Variants in DIP2C observed in about 807,000 individuals in gnomAD.
DIP2C encodes DIP2 acetate--CoA ligase C (putative), also known as disco-interacting protein 2 homolog C.
A neutral mutation model predicts 192.4 loss-of-function variants in DIP2C; 33 were observed. That is an observed-to-expected ratio of 0.17 (90% CI 0.13 to 0.23). The LOEUF is 0.23. Among genes scored for constraint, DIP2C ranks in the 10% least tolerant of loss-of-function variants. The pLI is 1.00. For synonymous variants in DIP2C, 979 were observed against 864.1 expected, an observed-to-expected ratio of 1.13 and a Z score of -2.33; for missense variants, 1,537 against 2,110.1, an observed-to-expected ratio of 0.73 and a Z score of 5.32.
intron 1 of DIP2C, among the ~76,000 whole-genome samples, chr10:519,037 T>TC (rs1487401688): frequency 6.6e-6 from 1 of 152,176 alleles, no homozygotes; most frequent in African/African-American, 2.4e-5. Flanking sequence ...CACACCCATT[T>TC]CCCCTTCTGC....
At position 689,631 on chromosome 10, in the gene DIP2C, T is replaced by A. The variant is rs1831472610; in HGVS notation, c.-53A>T. On this transcript the variant is annotated 5_prime_UTR_variant, in exon 1 of 37. Coordinates refer to ENST00000280886, the MANE Select transcript of DIP2C (RefSeq NM_014974.3). The surrounding 1 kb of genome is among the most constrained non-coding windows in gnomAD (Gnocchi z 6.1). ...CCTCCTCTTTGTTCGCAGGCGGAGG[T>A]CTCGGCGGCTCCTCGCGCCCGGCGG... 4 of 1,054,570 alleles carry A rather than the reference T, an allele frequency of 3.8e-6. No individual in the cohort carries two copies. The highest frequency in any genetic ancestry group is 4.6e-6 in the Non-Finnish European group (4 of 871,534). 65.3% of individuals were successfully genotyped at this position (1,054,570 alleles called of 1,614,324 possible). A position where few individuals can be genotyped will look rare whatever the true frequency, so the allele number is the denominator to read the frequency against.
chr10:545,804 G>GTC (rs1848257023), intron 1 of DIP2C, among the ~76,000 whole-genome samples: 1 of 152,140 alleles, frequency 6.6e-6, no homozygotes, highest in Non-Finnish European at 1.5e-5. Context: ...ATATCCAGTT[G>GTC]TCCCAGCACC....
chr10:484,695 C>G, intron 2 of DIP2C: 3 of 1,498,682 alleles, frequency 2.0e-6, no homozygotes, highest in South Asian at 2.6e-5. Flanking sequence ...ACACCCTACA[C>G]GTCTGTACGG....
intron 1 of DIP2C, among the ~76,000 whole-genome samples, chr10:645,179 A>G (rs1008614998): frequency 2.6e-5 from 4 of 152,336 alleles, no homozygotes; most frequent in Non-Finnish European, 4.4e-5. Context: ...AGATGAGGAC[A>G]TGGCATCCGT....
At chr10:295,099 GTCT>G (rs1425757020) in intron 32 of DIP2C, among the ~76,000 whole-genome samples, 1 of 151,984 alleles carries the variant, frequency 6.6e-6, no homozygotes, top group Non-Finnish European at 1.5e-5. Context: ...AGAAGTGGAA[GTCT>G]TTTTTTTTTC....
intron 1 of DIP2C, among the ~76,000 whole-genome samples, chr10:618,902 TAAC>T (rs1246319656): frequency 6.6e-6 from 1 of 152,196 alleles, no homozygotes; most frequent in African/African-American, 2.4e-5. Flanking sequence ...TTCCAGAACT[TAAC>T]AAAACCTGAA....
chr10:282,849 G>A (rs1480141196), intron 35 of DIP2C, among the ~76,000 whole-genome samples: 2 of 152,236 alleles, frequency 1.3e-5, no homozygotes, highest in Non-Finnish European at 2.9e-5. Flanking sequence ...GGCAGACCCA[G>A]TCCTAGAAGC....
At chr10:542,896 G>A (rs909099243) in intron 1 of DIP2C, among the ~76,000 whole-genome samples, 1 of 151,960 alleles carries the variant, frequency 6.6e-6, no homozygotes, top group Non-Finnish European at 1.5e-5. Context: ...GGAGTGGGGG[G>A]TTCTGACCCT....
intron 1 of DIP2C, among the ~76,000 whole-genome samples, chr10:569,604 TA>T (rs542846799): frequency 1.4e-4 from 21 of 151,264 alleles, no homozygotes; most frequent in South Asian, 6.3e-4. Flanking sequence ...TATTCTTTTT[TA>T]AAAAAAAGCA....
At chr10:387,315 G>A (rs1016536365) in intron 14 of DIP2C, among the ~76,000 whole-genome samples, 11 of 152,330 alleles carry the variant, frequency 7.2e-5, no homozygotes, top group East Asian at 1.9e-4. Context: ...TGTGAACCAC[G>A]TTAGTGGACA....
At chr10:284,244 C>T (rs768848697) in intron 34 of DIP2C, among the ~76,000 whole-genome samples, 6 of 152,162 alleles carry the variant, frequency 3.9e-5, no homozygotes, top group Non-Finnish European at 8.8e-5. Flanking sequence ...TTTAGTACTG[C>T]ACCCACGTCC....
chr10:613,937 C>T (rs1853270041), intron 1 of DIP2C, among the ~76,000 whole-genome samples: 1 of 152,160 alleles, frequency 6.6e-6, no homozygotes, highest in East Asian at 1.9e-4. Flanking sequence ...CTCCCATCTG[C>T]CCTGCCTTCC....
At chr10:539,554 G>A (rs1482561336) in intron 1 of DIP2C, among the ~76,000 whole-genome samples, 1 of 152,182 alleles carries the variant, frequency 6.6e-6, no homozygotes, top group Non-Finnish European at 1.5e-5. Context: ...CATGGGCACT[G>A]TGGAATGGCT....
chr10:274,778 T>G lies in DIP2C; in HGVS notation c.*2547A>C, dbSNP rs1589361253. The G allele has an allele frequency of 6.6e-6, 1 of 152,264 alleles. No homozygotes were observed. The highest frequency in any genetic ancestry group is 2.4e-5 in the African/African-American group (1 of 41,474). The allele number at this position is 152,264 out of a possible 1,614,324, so 9.4% of individuals were successfully genotyped here. A position where few individuals can be genotyped will look rare whatever the true frequency, so the allele number is the denominator to read the frequency against. ...CTGTTTGATTAGGTCTGTGTTTATATGTTCACTGTGTACCCTCTTTTTGTG... is the reference window on the plus strand; with the variant it reads ...CTGTTTGATTAGGTCTGTGTTTATAGGTTCACTGTGTACCCTCTTTTTGTG... On this transcript the variant is annotated 3_prime_UTR_variant, in exon 37 of 37. Coordinates refer to ENST00000280886, the MANE Select transcript of DIP2C (RefSeq NM_014974.3).
Position 363,192 on chromosome 10 carries a change from G to T in DIP2C, c.2592+5C>A, listed in dbSNP as rs1434438118. The T allele has an allele frequency of 3.1e-6, 5 of 1,612,504 alleles. No homozygotes were observed. In the South Asian group the frequency reaches 3.3e-5, roughly 11 times the overall value. On this transcript the variant is annotated splice_donor_5th_base_variant and intron_variant, in intron 21 of 36. Coordinates refer to ENST00000280886, the MANE Select transcript of DIP2C (RefSeq NM_014974.3). The surrounding 1 kb of genome is among the most constrained non-coding windows in gnomAD (Gnocchi z 5.4). Reference sequence around the variant, plus strand: ...GGACCAGTGCCCAGGGCGAGGGAGGGCAACCTGCAGCACACGGCTCATCCA... The same window carrying T: ...GGACCAGTGCCCAGGGCGAGGGAGGTCAACCTGCAGCACACGGCTCATCCA...
intron 6 of DIP2C, 92 bp from the exon 7 acceptor site, chr10:415,980 G>A (rs548194769): frequency 2.8e-4 from 438 of 1,577,072 alleles, no homozygotes; most frequent in Non-Finnish European, 3.3e-4. Context: ...CCTCCCCAGC[G>A]CGGCTACAAC....
intron 1 of DIP2C, among the ~76,000 whole-genome samples, chr10:570,961 G>A (rs550848483): frequency 5.3e-5 from 8 of 152,182 alleles, no homozygotes; most frequent in East Asian, 1.9e-4. Flanking sequence ...TCCAGCGCAC[G>A]ACTCCCACCG....
In DIP2C at chr10:420,441, G is replaced by A. The variant is rs185869579; in HGVS notation, c.605-1242C>T. Among the ~76,000 whole-genome samples the A allele has an allele frequency of 3.8e-3, 582 of 152,290 alleles. 3 individuals carry two copies. Among genetic ancestry groups the A allele is most frequent in the Middle Eastern group, 0.014 (4 of 294 alleles). The stretch of plus-strand genomic sequence containing the variant: ...AACTAAGGGGAGGGCCCGCCACACC[G>A]CCCGTCAGTGCCACGACATTCCACC... On this transcript the variant is annotated intron_variant, in intron 5 of 36. Transcript: ENST00000280886.
chr10:372,784 C>T (rs972704593), intron 17 of DIP2C, among the ~76,000 whole-genome samples: 194 of 151,290 alleles, frequency 1.3e-3, no homozygotes, highest in African/African-American at 3.5e-3. Flanking sequence ...CACAGAAGCG[C>T]GGGAGCTCCC....
Sources: gnomAD v4.1 joint callset for allele counts (sites outside exome capture counted in the v4.1 genomes callset) on GRCh38, gnomAD v4.1.1 for gene constraint, Gnocchi (gnomAD v3.1) non-coding constraint, MANE v1.5 for transcripts, NCBI Gene and HGNC (gene_info 2026-07-23, HGNC 2026-07-21) for gene names.